ICE2: variants seen among roughly 807,000 people sequenced by gnomAD.
ICE2 encodes little elongation complex subunit 2.
A neutral mutation model predicts 105.4 loss-of-function variants in ICE2; 87 were observed. That is an observed-to-expected ratio of 0.83 (90% confidence interval 0.69 to 0.99). ICE2 has a LOEUF of 0.99. ICE2 is among the 50% of genes least tolerant of loss of function. The pLI is 0.00. For missense variants in ICE2, 1,323 were observed against 1,146.7 expected (o/e 1.15, Z -2.22); for synonymous variants, 399 against 392.0 (o/e 1.02, Z -0.21).
At chr15:60,456,069 T>C (rs1438729104) in intron 6 of ICE2, among the ~76,000 whole-genome samples, 2 of 151,812 alleles carry the variant, frequency 1.3e-5, no homozygotes, top group Non-Finnish European at 2.9e-5. Context: ...AAAAAGGGGC[T>C]TTCTGCTTGT....
intron 12 of ICE2, chr15:60,440,831 T>C (rs929839225): frequency 1.3e-5 from 2 of 152,024 alleles, no homozygotes; most frequent in African/African-American, 4.8e-5. Flanking sequence ...ATACAATATA[T>C]GCTTTTCACC....
intron 3 of ICE2, among the ~76,000 whole-genome samples, chr15:60,468,580 A>C (rs1309505683): frequency 6.6e-6 from 1 of 152,226 alleles, no homozygotes; most frequent in Non-Finnish European, 1.5e-5. Context: ...TCAATTTAGA[A>C]GTTTTTTTCC....
chr15:60,471,259 A>T lies in ICE2; in HGVS notation c.147-2937T>A, dbSNP rs1173963652. 3.3e-5 allele frequency among the ~76,000 whole-genome samples: 5 copies of T among 152,224 alleles called. No homozygotes were observed. In the South Asian group the frequency reaches 6.2e-4, roughly 19 times the overall value. ...ACACAGGTAAAAAAAAGACACAGCT[A>T]CTAAAGTTTCTCAAATAATTGTATA... On this transcript the variant is annotated intron_variant, in intron 3 of 15. Coordinates refer to ENST00000261520, the MANE Select transcript of ICE2 (RefSeq NM_024611.6).
rs749799416 is a variant in ICE2, at chr15:60,454,008, TTTAAAAAGGATTTTCTG to T, written c.944-241_944-225del. Among the ~76,000 whole-genome samples, 85 of 152,310 alleles carry T rather than the reference TTTAAAAAGGATTTTCTG, an allele frequency of 5.6e-4. 1 individual carries two copies. Among genetic ancestry groups the T allele is most frequent in the Non-Finnish European group, 1.0e-3 (70 of 68,016 alleles). ...GGAGAAAAATGTCTTTCTAGCAATG[TTTAAAAAGGATTTTCTG>T]GTTTTTACTATTATATTCTTACTGT... On this transcript the variant is annotated intron_variant, in intron 8 of 15. Transcript: ENST00000261520.
At position 60,448,062 on chromosome 15, in the gene ICE2, A is replaced by G. The variant is rs1156727570; in HGVS notation, c.2203T>C (p.Phe735Leu). ...PQEGNFVYKL[F>L]SLQDLLLLVR... Reference sequence around the variant, plus strand: ...AGTAACAACAGGTCTTGCAGGCTAAATAACTTATAAACAAAATTTCCTTCC... The same window carrying G: ...AGTAACAACAGGTCTTGCAGGCTAAGTAACTTATAAACAAAATTTCCTTCC... The change falls in exon 11 of 16, where the codon TTT (phenylalanine) becomes CTT (leucine). Residue 735 changes from phenylalanine (F) to leucine (L), a missense_variant. Coordinates refer to ENST00000261520, the MANE Select transcript of ICE2 (RefSeq NM_024611.6). The G allele has an allele frequency of 2.5e-6, 4 of 1,613,688 alleles. No individual in the cohort carries two copies. Among genetic ancestry groups the G allele is most frequent in the Non-Finnish European group, 3.4e-6 (4 of 1,179,720 alleles).
intron 11 of ICE2, among the ~76,000 whole-genome samples, chr15:60,445,185 T>A (rs922242848): frequency 6.6e-6 from 1 of 152,266 alleles, no homozygotes; most frequent in Non-Finnish European, 1.5e-5. Flanking sequence ...AAGACACTTC[T>A]AAGTATTTCA....
chr15:60,456,085 G>A (rs894971095), intron 6 of ICE2, among the ~76,000 whole-genome samples: 5 of 151,792 alleles, frequency 3.3e-5, no homozygotes, highest in African/African-American at 1.2e-4. Context: ...CTTGTATTCA[G>A]GGGCATTCAG....
intron 3 of ICE2, 70 bp downstream of exon 3, chr15:60,475,993 C>T (rs2141177693): frequency 1.8e-5 from 17 of 959,178 alleles, no homozygotes; most frequent in Non-Finnish European, 2.7e-5. Flanking sequence ...ACTAGAGATA[C>T]ACATAAAACT....
At chr15:60,469,999 G>C (rs1031859655) in intron 3 of ICE2, among the ~76,000 whole-genome samples, 2 of 152,144 alleles carry the variant, frequency 1.3e-5, no homozygotes, top group Non-Finnish European at 2.9e-5. Flanking sequence ...ACAGTTAACT[G>C]TTCCTATAAC....
intron 12 of ICE2, among the ~76,000 whole-genome samples, chr15:60,437,259 A>T (rs199582528): frequency 4.6e-5 from 7 of 151,544 alleles, no homozygotes; most frequent in East Asian, 3.9e-4. Context: ...CGTCTCAAAA[A>T]ATATATATAT....
At chr15:60,438,464 T>G (rs1382269269) in intron 12 of ICE2, 1 of 152,214 alleles carries the variant, frequency 6.6e-6, no homozygotes, top group Non-Finnish European at 1.5e-5. Context: ...TACCCATACC[T>G]ACTTATTATA....
At chr15:60,431,149 G>A (rs1408068771) in intron 14 of ICE2, among the ~76,000 whole-genome samples, 3 of 151,792 alleles carry the variant, frequency 2.0e-5, no homozygotes, top group Non-Finnish European at 2.9e-5. Flanking sequence ...TGGGATTACA[G>A]GCGTGAGCCA....
At chr15:60,456,584 TAC>T (rs368911245) in intron 6 of ICE2, 71 bp downstream of exon 6, 8,386 of 196,262 alleles carry the variant, frequency 0.043, 109 homozygotes, top group Middle Eastern at 0.076. Context: ...TATATATATA[TAC>T]ACACACACAC....
chr15:60,448,759 G>T, intron 10 of ICE2, 89 bp downstream of exon 10: 2 of 1,111,792 alleles, frequency 1.8e-6, no homozygotes, highest in Non-Finnish European at 2.6e-6. Flanking sequence ...TTACAAAACA[G>T]GTTATGACAA....
intron 9 of ICE2, chr15:60,451,857 A>G: frequency 5.2e-6 from 1 of 192,004 alleles, no homozygotes; most frequent in Non-Finnish European, 9.6e-6. Flanking sequence ...ATATAATCCA[A>G]GGAAAAAATG....
chr15:60,423,598 CTG>C lies in ICE2; in HGVS notation c.*34_*35del, dbSNP rs972135040. On this transcript the variant is annotated 3_prime_UTR_variant, in exon 16 of 16. Transcript: ENST00000261520. ...TTATCTAAATTAAACACTGTTATAA[CTG>C]TTTTTTTAAATTTAGTTTTCCATGG... is the stretch of plus-strand genomic sequence containing the variant. The C allele has an allele frequency of 6.4e-7, 1 of 1,570,386 alleles. No homozygotes were observed. Among genetic ancestry groups the C allele is most frequent in the African/African-American group, 1.4e-5 (1 of 72,308 alleles).
At chr15:60,431,194 T>TC (rs2063452352) in intron 14 of ICE2, among the ~76,000 whole-genome samples, 1 of 152,038 alleles carries the variant, frequency 6.6e-6, no homozygotes, top group African/African-American at 2.4e-5. Flanking sequence ...TTTTTTTTTT[T>TC]TAATCTTGAA....
At chr15:60,438,237 G>A (rs539212071) in intron 12 of ICE2, 1 of 152,162 alleles carries the variant, frequency 6.6e-6, no homozygotes, top group Non-Finnish European at 1.5e-5. Flanking sequence ...ACGTATCAAT[G>A]TTGAAGACAA....
At position 60,428,636 on chromosome 15, in the gene ICE2, G is replaced by C. The variant is rs761752728; in HGVS notation, c.2613C>G (p.Leu871=). 6.2e-7 allele frequency: 1 copy of C among 1,613,994 alleles called. No homozygotes were observed. Among genetic ancestry groups the C allele is most frequent in the Non-Finnish European group, 8.5e-7 (1 of 1,179,994 alleles). ...LLSHAAEDSS[L]LIYKASDGKV... ...TTCCATCAGAGGCCTTATAAATCAGGAGTGAAGAATCTTCTGCTGCATGAG... is the reference window on the plus strand; with the variant it reads ...TTCCATCAGAGGCCTTATAAATCAGCAGTGAAGAATCTTCTGCTGCATGAG... Residue 871 remains leucine (L), a synonymous_variant, in exon 15 of 16, where the codon CTC becomes CTG. Transcript: ENST00000261520.
Sources: gnomAD v4.1 joint callset for allele counts (sites outside exome capture counted in the v4.1 genomes callset) on GRCh38, gnomAD v4.1.1 for gene constraint, MANE v1.5 for transcripts, NCBI Gene and HGNC (gene_info 2026-07-23, HGNC 2026-07-21) for gene names.